GRID1: variants seen among roughly 807,000 people sequenced by gnomAD.
GRID1 encodes glutamate ionotropic receptor delta type subunit 1.
GRID1 carries 28 observed loss-of-function variants against 98.0 expected under a neutral mutation model. The observed-to-expected ratio is 0.29, with a 90% CI of 0.21 to 0.39. GRID1 has a LOEUF of 0.39. Ranked by LOEUF, GRID1 falls within the 10% of genes least tolerant of loss-of-function variation. GRID1 has a pLI of 1.00. For missense variants in GRID1, 1,111 were observed against 1,340.5 expected (o/e 0.83, Z 2.67); for synonymous variants, 553 against 538.5 (o/e 1.03, Z -0.37).
At chr10:85,767,783 G>A (rs1206184830) in intron 8 of GRID1, among the ~76,000 whole-genome samples, 1 of 152,174 alleles carries the variant, frequency 6.6e-6, no homozygotes, top group African/African-American at 2.4e-5. Context: ...TCTTTTGGCT[G>A]CTGCACCCAT....
At chr10:85,879,591 A>G (rs1451565511) in intron 5 of GRID1, among the ~76,000 whole-genome samples, 1 of 152,152 alleles carries the variant, frequency 6.6e-6, no homozygotes, top group Non-Finnish European at 1.5e-5. Context: ...AAGACAAAAC[A>G]TACGAGAATC....
chr10:85,632,615 C>G (rs1265689109), intron 13 of GRID1, among the ~76,000 whole-genome samples: 1 of 152,190 alleles, frequency 6.6e-6, no homozygotes, highest in African/African-American at 2.4e-5. Context: ...GCTGCCCAGG[C>G]TCACTGCAAC....
chr10:86,178,619 G>A (rs572457834), intron 3 of GRID1, among the ~76,000 whole-genome samples: 13 of 151,126 alleles, frequency 8.6e-5, no homozygotes, highest in Non-Finnish European at 1.9e-4. Context: ...CATCCACCCC[G>A]GGGCGTTCTA....
At chr10:86,152,137 G>A (rs35178629) in intron 3 of GRID1, among the ~76,000 whole-genome samples, 1 of 152,212 alleles carries the variant, frequency 6.6e-6, no homozygotes, top group Non-Finnish European at 1.5e-5. Context: ...AGAGAGTGGG[G>A]AGTTGGAACT....
At chr10:86,042,836 C>T (rs1270372391) in intron 4 of GRID1, among the ~76,000 whole-genome samples, 3 of 152,148 alleles carry the variant, frequency 2.0e-5, no homozygotes, top group Non-Finnish European at 4.4e-5. Context: ...TTGCAATCCT[C>T]GTGCTTTCGG....
At chr10:86,150,776 A>T (rs1845156218) in intron 3 of GRID1, among the ~76,000 whole-genome samples, 1 of 152,220 alleles carries the variant, frequency 6.6e-6, no homozygotes, top group African/African-American at 2.4e-5. Flanking sequence ...TAGTGGCCTT[A>T]TAAGAAAATA....
intron 2 of GRID1, among the ~76,000 whole-genome samples, chr10:86,319,502 C>G (rs775330931): frequency 1.4e-4 from 21 of 152,186 alleles, no homozygotes; most frequent in Admixed American, 7.9e-4. Flanking sequence ...TTCTGCCTGG[C>G]ATGGGATGAA....
chr10:86,166,730 G>A (rs1424597644), intron 3 of GRID1, among the ~76,000 whole-genome samples: 1 of 152,180 alleles, frequency 6.6e-6, no homozygotes, highest in African/African-American at 2.4e-5. Context: ...CTCAAATCAG[G>A]AGGTTTTATG....
At chr10:86,224,224 T>C (rs1300104367) in intron 2 of GRID1, among the ~76,000 whole-genome samples, 2 of 151,984 alleles carry the variant, frequency 1.3e-5, no homozygotes, top group Admixed American at 6.6e-5. Flanking sequence ...TCTGCTTAAG[T>C]CACAACAGCA....
At chr10:86,224,171 C>G (rs1009167766) in intron 2 of GRID1, among the ~76,000 whole-genome samples, 2 of 152,222 alleles carry the variant, frequency 1.3e-5, no homozygotes, top group Admixed American at 1.3e-4. Flanking sequence ...CTCCCACCCC[C>G]GACACTCCCA....
intron 2 of GRID1, among the ~76,000 whole-genome samples, chr10:86,344,077 C>T (rs1179712107): frequency 6.6e-6 from 1 of 152,222 alleles, no homozygotes; most frequent in Non-Finnish European, 1.5e-5. Flanking sequence ...AGTGCCTGGG[C>T]CCTTGCCCAG....
intron 4 of GRID1, among the ~76,000 whole-genome samples, chr10:86,108,973 G>A (rs2131950325): frequency 6.6e-6 from 1 of 152,218 alleles, no homozygotes; most frequent in South Asian, 2.1e-4. Flanking sequence ...CCTAGCGTGT[G>A]CTGCCTTCAC....
In GRID1 at chr10:86,172,222, C is replaced by G. The variant is rs191719937; in HGVS notation, c.521-33198G>C. Among the ~76,000 whole-genome samples, 632 of 152,296 alleles carry G rather than the reference C, an allele frequency of 4.1e-3. 1 individual carries two copies. The highest frequency in any genetic ancestry group is 7.5e-3 in the Non-Finnish European group (509 of 68,014). On this transcript the variant is annotated intron_variant, in intron 3 of 15. Transcript: ENST00000327946. ...TTCTGTGTCTATGGATTCAGCTATC[C>G]TGGACATTGCATATAAGTGGAATCA...
intron 2 of GRID1, among the ~76,000 whole-genome samples, chr10:86,336,849 T>TA (rs1848228851): frequency 1.1e-3 from 1 of 900 alleles, no homozygotes; most frequent in Non-Finnish European, 3.7e-3. Flanking sequence ...TGGCCCACTA[T>TA]TTTTTTTTTT....
chr10:86,109,944 A>T (rs1453199527), intron 4 of GRID1, among the ~76,000 whole-genome samples: 2 of 150,922 alleles, frequency 1.3e-5, no homozygotes, highest in Non-Finnish European at 2.9e-5. Context: ...CAAAGTAAGC[A>T]TTCAATAAAT....
intron 4 of GRID1, among the ~76,000 whole-genome samples, chr10:85,925,644 C>T (rs567196091): frequency 2.0e-5 from 3 of 152,242 alleles, no homozygotes; most frequent in Non-Finnish European, 4.4e-5. Context: ...CTGCTGCCTG[C>T]ATCCAAAGAC....
chr10:85,642,860 G>A (rs1341017432), intron 13 of GRID1, among the ~76,000 whole-genome samples: 1 of 152,310 alleles, frequency 6.6e-6, no homozygotes, highest in African/African-American at 2.4e-5. Flanking sequence ...TGGACAAGGA[G>A]TAGCTAGAAA....
chr10:86,002,804 T>G (rs1383873601), intron 4 of GRID1, among the ~76,000 whole-genome samples: 1 of 152,238 alleles, frequency 6.6e-6, no homozygotes, highest in Non-Finnish European at 1.5e-5. Flanking sequence ...CCTTCCTCCA[T>G]TGGTTTGTTT....
intron 4 of GRID1, among the ~76,000 whole-genome samples, chr10:86,051,164 A>G (rs1373532912): frequency 6.6e-6 from 1 of 151,692 alleles, no homozygotes; most frequent in Non-Finnish European, 1.5e-5. Flanking sequence ...CATGTGAAAG[A>G]CCTCAGAAAG....
Sources: gnomAD v4.1 joint callset for allele counts (sites outside exome capture counted in the v4.1 genomes callset) on GRCh38, gnomAD v4.1.1 for gene constraint, MANE v1.5 for transcripts, NCBI Gene and HGNC (gene_info 2026-07-23, HGNC 2026-07-21) for gene names.